FAM171B: variants seen among roughly 807,000 people sequenced by gnomAD.
FAM171B encodes family with sequence similarity 171 member B.
In FAM171B, 19 loss-of-function variants were observed where a neutral mutation model predicts 75.6. That is an observed-to-expected ratio of 0.25 (90% confidence interval 0.18 to 0.37). The LOEUF (loss-of-function observed/expected upper bound fraction) is 0.37, where lower values mean the gene tolerates loss of function less well. FAM171B is among the 10% of genes least tolerant of loss of function. The pLI is 1.00. For synonymous variants in FAM171B, 367 were observed against 361.7 expected (o/e 1.01, Z -0.17); for missense variants, 848 against 982.4 (o/e 0.86, Z 1.83).
At chr2:186,727,444 C>G (rs1690050645) in intron 1 of FAM171B, among the ~76,000 whole-genome samples, 1 of 152,102 alleles carries the variant, frequency 6.6e-6, no homozygotes, top group African/African-American at 2.4e-5. Context: ...ACCAATGACC[C>G]ATTTATGAGA....
chr2:186,718,436 A>G (rs1253664008), intron 1 of FAM171B, among the ~76,000 whole-genome samples: 1 of 151,812 alleles, frequency 6.6e-6, no homozygotes, highest in Non-Finnish European at 1.5e-5. Flanking sequence ...CCTTGACTCA[A>G]CTCTAGGTTT....
intron 1 of FAM171B, among the ~76,000 whole-genome samples, chr2:186,725,279 G>A (rs565511930): frequency 2.6e-5 from 4 of 151,250 alleles, no homozygotes; most frequent in Admixed American, 2.0e-4. Context: ...GGGAGGCGGA[G>A]CTTGCAGTGA....
chr2:186,761,791 G>A lies in FAM171B; in HGVS notation c.1449G>A (p.Gln483=). The change falls in exon 8 of 8, where the codon CAG becomes CAA. Residue 483 remains glutamine (Q), a synonymous_variant. Transcript: ENST00000304698. ...ATAATTACTCAAGAAACCCAACACAGTCTTTGGAGCCCAATGTAGGGTCCA... is the reference window on the plus strand; with the variant it reads ...ATAATTACTCAAGAAACCCAACACAATCTTTGGAGCCCAATGTAGGGTCCA... The part of the protein sequence containing the change: ...NQNNYSRNPT[Q]SLEPNVGSKQ... 1 of 1,613,126 alleles carries A rather than the reference G, an allele frequency of 6.2e-7. No homozygotes were observed. The highest frequency in any genetic ancestry group is 2.2e-5 in the East Asian group (1 of 44,852).
At chr2:186,746,437 T>G (rs1281824654) in intron 3 of FAM171B, among the ~76,000 whole-genome samples, 2 of 152,190 alleles carry the variant, frequency 1.3e-5, no homozygotes, top group Non-Finnish European at 2.9e-5. Context: ...AAATAAGCAT[T>G]TATTTATTTC....
Position 186,762,356 on chromosome 2 carries a change from G to T in FAM171B, c.2014G>T (p.Ala672Ser). 1 of 1,613,694 alleles carries T rather than the reference G, an allele frequency of 6.2e-7. No homozygotes were observed. The highest frequency in any genetic ancestry group is 8.5e-7 in the Non-Finnish European group (1 of 1,179,784). ...SKGKPSPHPR[A>S]WFVSLDGKPV... ...AGGAAAGCCCTCCCCGCATCCCAGA[G>T]CCTGGTTTGTGTCTCTTGATGGAAA... Residue 672 changes from alanine to serine, a missense_variant, in exon 8 of 8, where the codon GCC (alanine) becomes TCC (serine). Coordinates refer to ENST00000304698, the MANE Select transcript of FAM171B (RefSeq NM_177454.4). This position sits in a 1 kb window ranked among gnomAD's most constrained non-coding sequence, Gnocchi z 4.0.
chr2:186,699,870 T>C (rs1385028564), intron 1 of FAM171B, among the ~76,000 whole-genome samples: 1 of 152,220 alleles, frequency 6.6e-6, no homozygotes, highest in East Asian at 1.9e-4. Context: ...CACTATTTAT[T>C]GAATAGACTG....
Position 186,761,908 on chromosome 2 carries a change from T to C in FAM171B, c.1566T>C (p.Tyr522=), listed in dbSNP as rs1690623427. ...ATCTCACAGGTAATGAGGAGGCGTA[T>C]GGGCGTTCCCATATTCCTGAACAGC... ...KRYLTGNEEA[Y]GRSHIPEQLM... Residue 522 remains tyrosine, a synonymous_variant, in exon 8 of 8, where the codon TAT becomes TAC. Transcript: ENST00000304698. 6.2e-7 allele frequency: 1 copy of C among 1,613,204 alleles called. No individual in the cohort carries two copies. The highest frequency in any genetic ancestry group is 2.2e-5 in the East Asian group (1 of 44,816).
Position 186,762,735 on chromosome 2 carries a change from G to A in FAM171B, c.2393G>A (p.Arg798Lys). 6.2e-7 allele frequency: 1 copy of A among 1,613,244 alleles called. No homozygotes were observed. The highest frequency in any genetic ancestry group is 8.5e-7 in the Non-Finnish European group (1 of 1,179,602). The change falls in exon 8 of 8, where the codon AGA (arginine) becomes AAA (lysine). Residue 798 changes from arginine to lysine, a missense_variant. Physicochemically the swap from Arg to Lys is conservative, Grantham distance 26. This residue lies in a region of FAM171B where 136 missense variants were observed against 159.3 expected (regional missense o/e 0.85). Coordinates refer to ENST00000304698, the MANE Select transcript of FAM171B (RefSeq NM_177454.4). The surrounding 1 kb of genome is among the most constrained non-coding windows in gnomAD (Gnocchi z 4.0). ...DFEANTSPTKRRGRPPLAKRD... is the reference protein window; with the variant it reads ...DFEANTSPTKKRGRPPLAKRD... ...GAAGCTAATACATCCCCCACTAAAA[G>A]AAGGGGCAGACCACCACTAGCCAAA...
intron 1 of FAM171B, among the ~76,000 whole-genome samples, chr2:186,735,760 C>A (rs2105784046): frequency 6.6e-6 from 1 of 152,250 alleles, no homozygotes; most frequent in Non-Finnish European, 1.5e-5. Flanking sequence ...TTATTCTTTA[C>A]CTTCATCTTT....
chr2:186,715,667 T>G (rs964885968), intron 1 of FAM171B, among the ~76,000 whole-genome samples: 1 of 152,220 alleles, frequency 6.6e-6, no homozygotes, highest in Admixed American at 6.5e-5. Flanking sequence ...TTCCCAACAA[T>G]TTACTATGTA....
At chr2:186,757,037 C>A (rs1196739649) in intron 6 of FAM171B, among the ~76,000 whole-genome samples, 3 of 152,078 alleles carry the variant, frequency 2.0e-5, no homozygotes, top group Non-Finnish European at 4.4e-5. Flanking sequence ...TGTTCATCAA[C>A]CTGGAGGCTT....
At chr2:186,704,525 A>G (rs1689708321) in intron 1 of FAM171B, among the ~76,000 whole-genome samples, 1 of 152,184 alleles carries the variant, frequency 6.6e-6, no homozygotes, top group Non-Finnish European at 1.5e-5. Flanking sequence ...CATTCTTTTA[A>G]GGTAGACACC....
Position 186,763,548 on chromosome 2 carries a change from T to G in FAM171B, c.*725T>G, listed in dbSNP as rs993113770. On this transcript the variant is annotated 3_prime_UTR_variant, in exon 8 of 8. Transcript: ENST00000304698. ...TACTGAGTTTTTATTTAAAAATTAT[T>G]TTTTCTTCCCCTCAACAATGAAGCA... 6 of 152,066 alleles carry G rather than the reference T, an allele frequency of 3.9e-5. No individual in the cohort carries two copies. The highest frequency in any genetic ancestry group is 1.4e-4 in the African/African-American group (6 of 41,428). The allele number at this position is 152,066 out of a possible 1,614,324, so 9.4% of individuals were successfully genotyped here. A position where few individuals can be genotyped will look rare whatever the true frequency, so the allele number is the denominator to read the frequency against.
chr2:186,740,483 TTTTG>T (rs759325602), intron 2 of FAM171B, 22 bp downstream of exon 2: 8 of 1,551,178 alleles, frequency 5.2e-6, no homozygotes, highest in Middle Eastern at 3.4e-4. Context: ...AACAGTTTTT[TTTTG>T]TTTGTTTTTG....
chr2:186,726,001 T>C (rs1690027071), intron 1 of FAM171B, among the ~76,000 whole-genome samples: 1 of 152,236 alleles, frequency 6.6e-6, no homozygotes, highest in African/African-American at 2.4e-5. Flanking sequence ...AGCTCTCTCA[T>C]TTGTTCTCTG....
At chr2:186,722,102 T>C (rs1378990726) in intron 1 of FAM171B, among the ~76,000 whole-genome samples, 3 of 152,172 alleles carry the variant, frequency 2.0e-5, no homozygotes, top group Admixed American at 6.5e-5. Flanking sequence ...AATGCTGAAA[T>C]TGTAAACTCC....
At chr2:186,739,164 A>G (rs1165911896) in intron 1 of FAM171B, among the ~76,000 whole-genome samples, 2 of 152,226 alleles carry the variant, frequency 1.3e-5, no homozygotes, top group Non-Finnish European at 2.9e-5. Flanking sequence ...ACACTTGTAA[A>G]GGGCACTTAC....
intron 1 of FAM171B, among the ~76,000 whole-genome samples, chr2:186,725,340 T>C (rs1690017386): frequency 9.0e-6 from 1 of 111,472 alleles, no homozygotes; most frequent in Non-Finnish European, 2.1e-5. Flanking sequence ...CGAGACTCTG[T>C]CTCAAAAAAA....
At position 186,747,208 on chromosome 2, in the gene FAM171B, G is replaced by T. The variant is rs1478011822; in HGVS notation, c.682G>T (p.Asp228Tyr). The stretch of plus-strand genomic sequence containing the variant: ...AGTTCTACAACAGTTTTTGAAAGTG[G>T]ACAATTTTCTGCATACAACTGGAAT... ...LTVLQQFLKV[D>Y]NFLHTTGITL... Residue 228 changes from aspartate (D) to tyrosine (Y), a missense_variant, in exon 4 of 8, where the codon GAC (aspartate) becomes TAC (tyrosine). By Grantham distance (160) the Asp-to-Tyr change is radical (BLOSUM62 -3). Coordinates refer to ENST00000304698, the MANE Select transcript of FAM171B (RefSeq NM_177454.4). 1.9e-6 allele frequency: 3 copies of T among 1,602,106 alleles called. No homozygotes were observed. Among genetic ancestry groups the T allele is most frequent in the South Asian group, 1.1e-5 (1 of 88,082 alleles).
Sources: allele counts gnomAD v4.1 joint callset (sites outside exome capture counted in the v4.1 genomes callset), GRCh38; gene constraint gnomAD v4.1.1; regional missense constraint gnomAD v4.1.1; non-coding constraint Gnocchi (gnomAD v3.1); transcripts MANE v1.5; gene names NCBI Gene and HGNC (gene_info 2026-07-23, HGNC 2026-07-21).